The following NAV3 variants were observed in gnomAD, a reference collection of about 807,000 sequenced individuals.
The protein encoded by NAV3 is neuron navigator 3.
A neutral mutation model predicts 244.7 loss-of-function variants in NAV3; 87 were observed. The ratio of observed to expected loss-of-function variants is 0.36; its 90% CI spans 0.30 to 0.42. The LOEUF (loss-of-function observed/expected upper bound fraction) is 0.42, where lower values mean the gene tolerates loss of function less well. NAV3 is among the 20% of genes least tolerant of loss of function. The pLI is 1.00. For synonymous variants in NAV3, 1,126 were observed against 1,042.2 expected (o/e 1.08, Z -1.55); for missense variants, 2,663 against 2,893.3 (o/e 0.92, Z 1.83).
rs2138514302 is a variant in NAV3 at position 78,116,775 on chromosome 12, G to A, written c.2640G>A (p.Trp880Ter). ...CTCTTGCATGTCTTGCCTTTAGCTG[G>A]GATGACAGCAGTTCAGTGAGCAGTG... ...VHDVTVDADS[W>*]DDSSSVSSGL... Residue 880 changes from tryptophan to a stop codon, truncating the protein, a stop_gained, in exon 13 of 40, where the codon TGG becomes TGA. Transcript: ENST00000397909. LOFTEE classifies it high-confidence loss of function. The A allele has an allele frequency of 6.3e-7, 1 of 1,587,634 alleles. No homozygotes were observed. The highest frequency in any genetic ancestry group is 8.6e-7 in the Non-Finnish European group (1 of 1,163,138).
intron 2 of NAV3, among the ~76,000 whole-genome samples, chr12:77,709,376 C>T (rs1054123255): frequency 2.6e-5 from 4 of 152,068 alleles, no homozygotes; most frequent in Non-Finnish European, 4.4e-5. Flanking sequence ...GGAAGCATTC[C>T]CTTTGAAAAC....
At chr12:77,793,450 G>T (rs2135949438) in intron 2 of NAV3, among the ~76,000 whole-genome samples, 1 of 152,082 alleles carries the variant, frequency 6.6e-6, no homozygotes. Flanking sequence ...TTAGGTATTT[G>T]TCCTAATGCT....
intron 5 of NAV3, among the ~76,000 whole-genome samples, chr12:77,973,612 C>T (rs1209278881): frequency 1.3e-5 from 2 of 152,120 alleles, no homozygotes; most frequent in African/African-American, 4.8e-5. Flanking sequence ...TTTTGGAACC[C>T]TCTTACCATA....
intron 12 of NAV3, among the ~76,000 whole-genome samples, chr12:78,079,228 C>CT (rs913127832): frequency 4.6e-5 from 7 of 151,958 alleles, no homozygotes; most frequent in South Asian, 2.1e-4. Flanking sequence ...CTAAAGATGT[C>CT]TTTTTTTTAT....
chr12:78,178,486 A>G (rs1958354164), intron 28 of NAV3, among the ~76,000 whole-genome samples: 1 of 152,078 alleles, frequency 6.6e-6, no homozygotes, highest in South Asian at 2.1e-4. Flanking sequence ...TTTTTGGACC[A>G]TGTTTGACTG....
At chr12:78,010,656 A>G (rs932674301) in intron 8 of NAV3, among the ~76,000 whole-genome samples, 1 of 152,140 alleles carries the variant, frequency 6.6e-6, no homozygotes, top group African/African-American at 2.4e-5. Flanking sequence ...GGAAAATGCC[A>G]ATAGTACACT....
intron 12 of NAV3, among the ~76,000 whole-genome samples, chr12:78,112,401 T>A (rs1955143593): frequency 6.6e-6 from 1 of 152,162 alleles, no homozygotes; most frequent in African/African-American, 2.4e-5. Context: ...AATGAAGACA[T>A]ACCCCAAATT....
chr12:78,117,364 AT>A (rs1955462663), intron 13 of NAV3, among the ~76,000 whole-genome samples: 1 of 12,206 alleles, frequency 8.2e-5, no homozygotes, highest in Non-Finnish European at 2.7e-4. Context: ...ATAACATATA[AT>A]AGATATATAT....
chr12:78,210,403 T>C lies in NAV3; in HGVS notation c.7044T>C (p.Asn2348=). ...TGTCTTTTTTCTTTCTTCAGATGAA[T>C]ATGCTAATGAAACTCCAAGAAGCAG... ...QTDTEGDPLM[N]MLMKLQEAAN... Residue 2348 remains asparagine, a synonymous_variant, in exon 40 of 40, where the codon AAT becomes AAC. Coordinates refer to ENST00000397909, the MANE Select transcript of NAV3 (RefSeq NM_001024383.2). 1 of 1,613,508 alleles carries C rather than the reference T, an allele frequency of 6.2e-7. No homozygotes were observed. Among genetic ancestry groups the C allele is most frequent in the Non-Finnish European group, 8.5e-7 (1 of 1,179,802 alleles).
chr12:77,688,655 T>A (rs889802950), intron 2 of NAV3, among the ~76,000 whole-genome samples: 2 of 151,974 alleles, frequency 1.3e-5, no homozygotes, highest in African/African-American at 4.8e-5. Flanking sequence ...TTTATTGCAG[T>A]TGCATTGGTG....
rs370872031 is a variant in NAV3, at chr12:78,059,024, T to C, written c.2545T>C (p.Tyr849His). Reference protein sequence around the residue: ...GYMTDGGLNLYTRSLNRIPDT... With the variant: ...GYMTDGGLNLHTRSLNRIPDT... ...CATGACAGATGGAGGACTTAACCTA[T>C]ATACTAGAAGTCTGAACCGAATACC... The change falls in exon 12 of 40, where the codon TAT becomes CAT. Residue 849 changes from tyrosine (Y) to histidine (H), a missense_variant. By Grantham distance (83) the Tyr-to-His change is moderately conservative. Transcript: ENST00000397909. 8.1e-6 allele frequency: 13 copies of C among 1,608,772 alleles called. No individual in the cohort carries two copies. The highest frequency in any genetic ancestry group is 6.7e-5 in the African/African-American group (5 of 74,676).
At chr12:78,089,986 G>T (rs535618977) in intron 12 of NAV3, among the ~76,000 whole-genome samples, 25 of 152,030 alleles carry the variant, frequency 1.6e-4, no homozygotes, top group Non-Finnish European at 3.1e-4. Context: ...ACTCTGGACT[G>T]CCTGACATTT....
chr12:78,159,563 G>T (rs1401312205), intron 23 of NAV3, among the ~76,000 whole-genome samples: 1 of 151,960 alleles, frequency 6.6e-6, no homozygotes, highest in African/African-American at 2.4e-5. Flanking sequence ...CAGCTACGCA[G>T]GAGGCTGAGG....
At chr12:77,905,132 G>A (rs1008547439) in intron 1 of NAV3, among the ~76,000 whole-genome samples, 4 of 151,994 alleles carry the variant, frequency 2.6e-5, no homozygotes, top group African/African-American at 9.7e-5. Context: ...ATACAAAAAT[G>A]GTAACAATGT....
rs766501490 is a variant in NAV3, at chr12:78,050,072, C to T, written c.2103C>T (p.Ser701=). The T allele has an allele frequency of 3.1e-6, 5 of 1,612,522 alleles. No homozygotes were observed. In the South Asian group the frequency reaches 4.4e-5, roughly 14 times the overall value. The part of the protein sequence containing the change: ...DLRQNLEETM[S]SLRGTQISHS... ...GGCAGAATTTAGAAGAGACTATGTC[C>T]AGTCTTCGTGGGACTCAGATAAGCC... is the stretch of plus-strand genomic sequence containing the variant. Residue 701 remains serine, a synonymous_variant, in exon 10 of 40, where the codon TCC becomes TCT. Coordinates refer to ENST00000397909, the MANE Select transcript of NAV3 (RefSeq NM_001024383.2).
intron 1 of NAV3, among the ~76,000 whole-genome samples, chr12:77,882,572 T>A (rs1359105925): frequency 6.6e-6 from 1 of 152,072 alleles, no homozygotes; most frequent in Admixed American, 6.6e-5. Flanking sequence ...AAACAAAAAT[T>A]GACAAGTTGG....
intron 2 of NAV3, among the ~76,000 whole-genome samples, chr12:77,680,751 A>G (rs374970845): frequency 3.9e-5 from 6 of 151,978 alleles, no homozygotes; most frequent in African/African-American, 9.7e-5. Context: ...AAATATCTCT[A>G]TACACACGAG....
At chr12:77,901,453 G>A (rs1451118734) in intron 1 of NAV3, among the ~76,000 whole-genome samples, 2 of 152,016 alleles carry the variant, frequency 1.3e-5, no homozygotes, top group Non-Finnish European at 2.9e-5. Context: ...CTCACGCCTG[G>A]AATCCCAGCA....
At chr12:78,111,720 CT>C (rs1368284798) in intron 12 of NAV3, among the ~76,000 whole-genome samples, 1 of 151,946 alleles carries the variant, frequency 6.6e-6, no homozygotes, top group African/African-American at 2.4e-5. Flanking sequence ...AAATATATGT[CT>C]TTTGGAAAAA....
Sources: gnomAD v4.1 joint callset for allele counts (sites outside exome capture counted in the v4.1 genomes callset) on GRCh38, gnomAD v4.1.1 for gene constraint, MANE v1.5 for transcripts, NCBI Gene and HGNC (gene_info 2026-07-23, HGNC 2026-07-21) for gene names.